The following ANK2 variants were observed in gnomAD, a reference collection of about 807,000 sequenced individuals.
The protein encoded by ANK2 is ankyrin-2.
In ANK2, 83 loss-of-function variants were observed where a neutral mutation model predicts 360.5. The observed-to-expected ratio is 0.23, with a 90% CI of 0.19 to 0.28. The LOEUF is 0.28. ANK2 is among the 10% of genes least tolerant of loss of function. ANK2 has a pLI of 1.00. For synonymous variants in ANK2, 1,740 were observed against 1,759.5 expected (o/e 0.99, Z 0.28); for missense variants, 4,201 against 4,795.7 (o/e 0.88, Z 3.66).
the ANK2 span, among the ~76,000 whole-genome samples, chr4:112,707,496 G>T: frequency 6.6e-6 from 1 of 152,098 alleles, no homozygotes; most frequent in Non-Finnish European, 1.5e-5. Flanking sequence ...TGCACTTGGA[G>T]CTATTCTTTT....
intron 29 of ANK2, among the ~76,000 whole-genome samples, chr4:113,333,809 A>T (rs2093010426): frequency 6.6e-6 from 1 of 152,218 alleles, no homozygotes; most frequent in African/African-American, 2.4e-5. Flanking sequence ...ATACATACAC[A>T]TCTAGTTTAG....
At chr4:113,080,136 T>A (rs564601970) in intron 1 of ANK2, among the ~76,000 whole-genome samples, 1 of 152,258 alleles carries the variant, frequency 6.6e-6, no homozygotes, top group South Asian at 2.1e-4. Context: ...TGACCTAATG[T>A]GTTCCGCCTG....
intron 1 of ANK2, among the ~76,000 whole-genome samples, chr4:113,058,577 C>A (rs2071368963): frequency 6.6e-6 from 1 of 152,092 alleles, no homozygotes; most frequent in Admixed American, 6.6e-5. Context: ...TAATGCTTAT[C>A]CCTAAAGAAT....
intron 1 of ANK2, among the ~76,000 whole-genome samples, chr4:113,090,643 G>A (rs965969704): frequency 2.3e-4 from 35 of 152,076 alleles, no homozygotes; most frequent in African/African-American, 7.2e-4. Flanking sequence ...AGGCATATTC[G>A]TTTAGCTCAC....
chr4:112,711,147 G>A, the ANK2 span, among the ~76,000 whole-genome samples: 1,312 of 150,092 alleles, frequency 8.7e-3, 21 homozygotes, highest in African/African-American at 0.031. Context: ...TAAGAGTTGG[G>A]GTCACCAGGC....
chr4:113,008,790 A>G (rs1429814777), intron 2 of ANK2, among the ~76,000 whole-genome samples: 1 of 152,132 alleles, frequency 6.6e-6, no homozygotes, highest in Non-Finnish European at 1.5e-5. Flanking sequence ...GATGGTAGGC[A>G]GATGAGGCTG....
At chr4:113,311,039 ACTT>A (rs1320370734) in intron 23 of ANK2, among the ~76,000 whole-genome samples, 2 of 152,202 alleles carry the variant, frequency 1.3e-5, no homozygotes, top group East Asian at 3.8e-4. Context: ...TCAAGTGATT[ACTT>A]CTTCTTGGTA....
chr4:113,096,945 A>G (rs1430054341), intron 1 of ANK2, among the ~76,000 whole-genome samples: 1 of 151,392 alleles, frequency 6.6e-6, no homozygotes, highest in Non-Finnish European at 1.5e-5. Flanking sequence ...TTCATTGTAA[A>G]GTACCATATG....
intron 1 of ANK2, among the ~76,000 whole-genome samples, chr4:113,087,123 G>T (rs535993532): frequency 6.6e-6 from 1 of 152,240 alleles, no homozygotes; most frequent in Non-Finnish European, 1.5e-5. Context: ...GGAGTATAGT[G>T]CTGTGAGCAG....
At chr4:112,826,184 C>A in intron 1 of ANK2, 1 of 296,314 alleles carries the variant, frequency 3.4e-6, no homozygotes, top group South Asian at 4.8e-5. Flanking sequence ...GATGAACTTG[C>A]CCCAAATGTG....
Position 113,354,137 on chromosome 4 carries a change from A to G in ANK2, c.5519A>G (p.Glu1840Gly). 6.2e-7 allele frequency: 1 copy of G among 1,614,122 alleles called. No homozygotes were observed. Among genetic ancestry groups the G allele is most frequent in the East Asian group, 2.2e-5 (1 of 44,888 alleles). ...HSTLSSSAKT[E>G]RHPPVSPSSK... ...ACTCTTTCCTCTTCCGCAAAAACTGAAAGGCACCCTCCAGTATCACCATCA... is the reference window on the plus strand; with the variant it reads ...ACTCTTTCCTCTTCCGCAAAAACTGGAAGGCACCCTCCAGTATCACCATCA... Residue 1840 changes from glutamate to glycine, a missense_variant, in exon 38 of 46, where the codon GAA becomes GGA. Glu to Gly is a moderately conservative substitution (Grantham distance 98). Coordinates refer to ENST00000357077, the MANE Select transcript of ANK2 (RefSeq NM_001148.6).
intron 45 of ANK2, chr4:113,374,692 A>G: frequency 1.0e-6 from 1 of 952,862 alleles, no homozygotes; most frequent in Non-Finnish European, 1.3e-6. Flanking sequence ...TTTGTTTTTT[A>G]ACATAGAAAA....
the ANK2 span, among the ~76,000 whole-genome samples, chr4:112,754,906 GA>G: frequency 6.6e-6 from 1 of 152,190 alleles, no homozygotes; most frequent in African/African-American, 2.4e-5. Context: ...AGAGACACTG[GA>G]GGAGGGAGAA....
Position 113,320,417 on chromosome 4 carries a change from G to T in ANK2, c.2900+1797G>T, listed in dbSNP as rs1388632812. 5.3e-5 allele frequency among the ~76,000 whole-genome samples: 8 copies of T among 152,176 alleles called. No homozygotes were observed. In the East Asian group the frequency reaches 1.5e-3, roughly 29 times the overall value. The stretch of plus-strand genomic sequence containing the variant: ...GCCTATAATCCCAGCACTCTGGGAG[G>T]ACGAGGTGGACGGATCATGAGGTCA... On this transcript the variant is annotated intron_variant, in intron 26 of 45. Coordinates refer to ENST00000357077, the MANE Select transcript of ANK2 (RefSeq NM_001148.6).
At position 113,341,749 on chromosome 4, in the gene ANK2, A is replaced by G; in HGVS notation, c.3955A>G (p.Arg1319Gly). The part of the protein sequence containing the change: ...ESVTFASQVY[R>G]EIICVPYMAK... Reference sequence around the variant, plus strand: ...CGTTACTTTTGCATCACAAGTATACAGAGAAATTATCTGCGTACCTTATAT... The same window carrying G: ...CGTTACTTTTGCATCACAAGTATACGGAGAAATTATCTGCGTACCTTATAT... Residue 1319 changes from arginine to glycine, a missense_variant, in exon 33 of 46, where the codon AGA (arginine) becomes GGA (glycine). Transcript: ENST00000357077. 6.2e-7 allele frequency: 1 copy of G among 1,614,196 alleles called. No individual in the cohort carries two copies. The highest frequency in any genetic ancestry group is 8.5e-7 in the Non-Finnish European group (1 of 1,180,024).
chr4:112,912,154 G>A (rs2087790529), intron 2 of ANK2, among the ~76,000 whole-genome samples: 1 of 151,422 alleles, frequency 6.6e-6, no homozygotes, highest in African/African-American at 2.4e-5. Context: ...TCCAGCCTGG[G>A]TGACAGAGCG....
intron 1 of ANK2, among the ~76,000 whole-genome samples, chr4:112,831,195 C>T (rs188027858): frequency 1.3e-4 from 20 of 152,334 alleles, no homozygotes; most frequent in Middle Eastern, 3.4e-3. Flanking sequence ...AGTGCGGGCA[C>T]GCGGCGTGGG....
At chr4:112,708,399 G>T in the ANK2 span, among the ~76,000 whole-genome samples, 1 of 152,170 alleles carries the variant, frequency 6.6e-6, no homozygotes, top group African/African-American at 2.4e-5. Context: ...AGATTTTAAT[G>T]TGGATTTTTG....
the ANK2 span, among the ~76,000 whole-genome samples, chr4:112,723,977 C>G: frequency 1.3e-5 from 2 of 151,970 alleles, no homozygotes; most frequent in African/African-American, 4.8e-5. Flanking sequence ...TAAAGGGAAT[C>G]TGTTAGACAT....
Sources: allele counts gnomAD v4.1 joint callset (sites outside exome capture counted in the v4.1 genomes callset), GRCh38; gene constraint gnomAD v4.1.1; transcripts MANE v1.5; gene names NCBI Gene and HGNC (gene_info 2026-07-23, HGNC 2026-07-21).